PRDM15: variants seen among roughly 807,000 people sequenced by gnomAD.
The protein encoded by PRDM15 is PR domain zinc finger protein 15.
A neutral mutation model predicts 128.6 loss-of-function variants in PRDM15; 64 were observed. The ratio of observed to expected loss-of-function variants is 0.50; its 90% CI spans 0.41 to 0.61. PRDM15 has a LOEUF of 0.61. Ranked by LOEUF, PRDM15 falls within the 20% of genes least tolerant of loss-of-function variation. PRDM15 has a pLI of 0.00. For synonymous variants in PRDM15, 615 were observed against 621.8 expected (o/e 0.99, Z 0.16); for missense variants, 1,242 against 1,569.1 (o/e 0.79, Z 3.52).
chr21:41,878,995 C>A (rs1601522916), intron 1 of PRDM15: 1 of 1,004,726 alleles, frequency 1.0e-6, no homozygotes, highest in South Asian at 4.0e-5. Flanking sequence ...GGCGGCGGGA[C>A]CCGGCGGGCG....
At chr21:41,824,417 G>T (rs555893646) in intron 13 of PRDM15, among the ~76,000 whole-genome samples, 3 of 152,276 alleles carry the variant, frequency 2.0e-5, no homozygotes, top group South Asian at 4.1e-4. Flanking sequence ...CTAATAACTG[G>T]AAACAACAAA....
At chr21:41,867,396 A>C in intron 1 of PRDM15, 1 of 1,591,300 alleles carries the variant, frequency 6.3e-7, no homozygotes, top group Non-Finnish European at 8.6e-7. Context: ...AGTGAAAGGA[A>C]AGCAAGCTGA....
intron 6 of PRDM15, among the ~76,000 whole-genome samples, chr21:41,840,819 T>A (rs7278535): frequency 0.87 from 132,370 of 152,088 alleles, 57,834 homozygotes; most frequent in Non-Finnish European, 0.91. Context: ...GCATGCTGAA[T>A]TATAACAAGC....
intron 2 of PRDM15, among the ~76,000 whole-genome samples, 178 bp downstream of exon 2, chr21:41,860,149 C>T (rs1372044409): frequency 6.6e-6 from 1 of 152,204 alleles, no homozygotes; most frequent in Admixed American, 6.5e-5. Context: ...AACCATACCC[C>T]TGTAGTGTAC....
intron 1 of PRDM15, among the ~76,000 whole-genome samples, chr21:41,867,667 T>A (rs937128108): frequency 2.0e-5 from 3 of 152,238 alleles, no homozygotes; most frequent in Non-Finnish European, 4.4e-5. Flanking sequence ...TAGAAAAAGC[T>A]ACTGGTTTTG....
intron 21 of PRDM15, among the ~76,000 whole-genome samples, chr21:41,809,110 C>T (rs563217227): frequency 1.3e-5 from 2 of 152,218 alleles, no homozygotes; most frequent in African/African-American, 2.4e-5. Context: ...CTGTTCTTCC[C>T]GCATGAGCTC....
In PRDM15 at chr21:41,878,808, G is replaced by T. The variant is rs769809581; in HGVS notation, c.-10+462C>A. ...CGACATCCCCTGGGGCCTCGGCGAC[G>T]ACGCCGCCCGGCGGCGGGGGCCGCG... On this transcript the variant is annotated intron_variant, in intron 1 of 23. Transcript: ENST00000398548. The T allele has an allele frequency of 1.2e-5, 14 of 1,212,300 alleles. No individual in the cohort carries two copies. In the East Asian group the frequency reaches 2.0e-4, roughly 17 times the overall value. 75.1% of individuals were successfully genotyped at this position (1,212,300 alleles called of 1,614,324 possible). A position where few individuals can be genotyped will look rare whatever the true frequency, so the allele number is the denominator to read the frequency against.
intron 19 of PRDM15, chr21:41,812,050 C>T (rs1203105089): frequency 1.3e-5 from 2 of 152,220 alleles, no homozygotes; most frequent in Non-Finnish European, 2.9e-5. Context: ...GAAGCGGATG[C>T]TTTAATAGAC....
intron 21 of PRDM15, among the ~76,000 whole-genome samples, chr21:41,808,634 G>A (rs764444045): frequency 1.1e-4 from 16 of 152,208 alleles, no homozygotes; most frequent in Non-Finnish European, 2.1e-4. Flanking sequence ...ATCACTGTGG[G>A]ATGTTTTGCT....
chr21:41,861,910 T>G (rs1033854848), intron 1 of PRDM15: 2 of 1,612,120 alleles, frequency 1.2e-6, no homozygotes, highest in African/African-American at 2.7e-5. Flanking sequence ...GTATCTTCTT[T>G]TCCTGGGAAC....
At chr21:41,818,474 T>G (rs190553637) in intron 18 of PRDM15, among the ~76,000 whole-genome samples, 2 of 151,594 alleles carry the variant, frequency 1.3e-5, no homozygotes, top group Admixed American at 6.6e-5. Context: ...TAACCACCCA[T>G]GTGCCGTCCT....
intron 6 of PRDM15, among the ~76,000 whole-genome samples, chr21:41,842,017 A>G (rs1305444388): frequency 6.6e-6 from 1 of 152,370 alleles, no homozygotes; most frequent in Admixed American, 6.5e-5. Context: ...AAACAGCTGG[A>G]AAGTAATGAG....
rs753788596 is a variant in PRDM15, at chr21:41,821,030, T to C, written c.2060+37A>G. 1 of 1,613,644 alleles carries C rather than the reference T, an allele frequency of 6.2e-7. No individual in the cohort carries two copies. Among genetic ancestry groups the C allele is most frequent in the Non-Finnish European group, 8.5e-7 (1 of 1,179,634 alleles). ...TTTGCAAGGAAGCATGTCCCCTCTC[T>C]CCTGACACAACCCGGGAGCCCCCGA... is the stretch of plus-strand genomic sequence containing the variant. On this transcript the variant is annotated intron_variant, in intron 16 of 23. Coordinates refer to ENST00000398548, the MANE Select transcript of PRDM15 (RefSeq NM_001040424.3). The surrounding 1 kb of genome is among the most constrained non-coding windows in gnomAD (Gnocchi z 5.4).
chr21:41,830,255 AC>A (rs1169021993), intron 11 of PRDM15, among the ~76,000 whole-genome samples: 5 of 149,692 alleles, frequency 3.3e-5, no homozygotes, highest in Non-Finnish European at 5.9e-5. Flanking sequence ...CCACACACAC[AC>A]CCCCCACACA....
chr21:41,828,026 G>T lies in PRDM15; in HGVS notation c.1534+140C>A. On this transcript the variant is annotated intron_variant, in intron 12 of 23. Transcript: ENST00000398548. This position sits in a 1 kb window ranked among gnomAD's most constrained non-coding sequence, Gnocchi z 5.7. The stretch of plus-strand genomic sequence containing the variant: ...GTTCTCAGAAGAGGATGAGCCCATC[G>T]GATGGCGGGCGTTTCCAGGCAAAGG... 1 of 774,266 alleles carries T rather than the reference G, an allele frequency of 1.3e-6. No homozygotes were observed. The highest frequency in any genetic ancestry group is 2.1e-6 in the Non-Finnish European group (1 of 476,744). The allele number at this position is 774,266 out of a possible 1,614,324, so 48.0% of individuals were successfully genotyped here.
At position 41,837,998 on chromosome 21, in the gene PRDM15, G is replaced by A. The variant is rs370110762; in HGVS notation, c.937C>T (p.Arg313Trp). Residue 313 changes from arginine (R) to tryptophan (W), a missense_variant, in exon 8 of 24, where the codon CGG becomes TGG. Physicochemically the swap from Arg to Trp is moderately radical, Grantham distance 101. Around this residue, in one of 3 missense-constraint regions of PRDM15, gnomAD observed 612 missense variants for 717.0 expected, o/e 0.85. Coordinates refer to ENST00000398548, the MANE Select transcript of PRDM15 (RefSeq NM_001040424.3). The part of the protein sequence containing the change: ...DEPVSATPDE[R>W]IMELVLGKLA... ...TTCCCCAGAACCAGCTCCATGATCC[G>A]CTCATCTGGCGTTGCACTCACAGGC... 3 of 1,614,132 alleles carry A rather than the reference G, an allele frequency of 1.9e-6. No homozygotes were observed. The highest frequency in any genetic ancestry group is 1.7e-6 in the Non-Finnish European group (2 of 1,179,966).
At chr21:41,850,714 A>C (rs2063402657) in intron 5 of PRDM15, among the ~76,000 whole-genome samples, 1 of 152,224 alleles carries the variant, frequency 6.6e-6, no homozygotes, top group African/African-American at 2.4e-5. Flanking sequence ...CCTGGGCAAC[A>C]GTGCCAGACC....
At chr21:41,842,550 G>A (rs1029608716) in intron 6 of PRDM15, among the ~76,000 whole-genome samples, 1 of 152,140 alleles carries the variant, frequency 6.6e-6, no homozygotes, top group Non-Finnish European at 1.5e-5. Flanking sequence ...GGAGTGCAGT[G>A]TGCGATCTCG....
chr21:41,842,285 A>G (rs1227978551), intron 6 of PRDM15, among the ~76,000 whole-genome samples: 2 of 152,216 alleles, frequency 1.3e-5, no homozygotes, highest in Non-Finnish European at 2.9e-5. Flanking sequence ...TCCATTTTTT[A>G]GTATTAGATA....
Sources: allele counts gnomAD v4.1 joint callset (sites outside exome capture counted in the v4.1 genomes callset), GRCh38; gene constraint gnomAD v4.1.1; regional missense constraint gnomAD v4.1.1; non-coding constraint Gnocchi (gnomAD v3.1); transcripts MANE v1.5; gene names NCBI Gene and HGNC (gene_info 2026-07-23, HGNC 2026-07-21).